Variants in USP46 observed in about 807,000 individuals in gnomAD.
The protein encoded by USP46 is ubiquitin specific peptidase 46, also known as ubiquitin carboxyl-terminal hydrolase 46.
Under a neutral mutation model 44.4 loss-of-function variants are expected in USP46, and 12 were observed. That is an observed-to-expected ratio of 0.27 (90% CI 0.17 to 0.44). The LOEUF is 0.44. USP46 is among the 20% of genes least tolerant of loss of function. USP46 has a pLI of 1.00. For synonymous variants in USP46, 155 were observed against 161.5 expected, an observed-to-expected ratio of 0.96 and a Z score of 0.31; for missense variants, 248 against 444.8, an observed-to-expected ratio of 0.56 and a Z score of 3.98.
At chr4:52,636,138 T>C (rs1330348217) in intron 1 of USP46, among the ~76,000 whole-genome samples, 1 of 152,100 alleles carries the variant, frequency 6.6e-6, no homozygotes, top group Non-Finnish European at 1.5e-5. Flanking sequence ...ATGGGGTCAA[T>C]CACAAGGGTC....
In USP46 at chr4:52,628,877, T is replaced by C. The variant is rs199928620; in HGVS notation, c.118-714A>G. Among the ~76,000 whole-genome samples the C allele has an allele frequency of 2.4e-4, 37 of 152,338 alleles. 2 individuals are homozygous for C. In the East Asian group the frequency reaches 7.1e-3, roughly 29 times the overall value. On this transcript the variant is annotated intron_variant, in intron 2 of 8. Transcript: ENST00000441222. Reference sequence around the variant, plus strand: ...CCCAAGTTCCTAGCCTGCAATCACATTAGGGCCCACCCAGTAACATTTTAT... The same window carrying C: ...CCCAAGTTCCTAGCCTGCAATCACACTAGGGCCCACCCAGTAACATTTTAT...
At chr4:52,636,468 G>A (rs1718119220) in intron 1 of USP46, among the ~76,000 whole-genome samples, 1 of 151,954 alleles carries the variant, frequency 6.6e-6, no homozygotes, top group South Asian at 2.1e-4. Flanking sequence ...AGCACTTTGG[G>A]AGGCCAAGGC....
At chr4:52,633,574 A>C (rs2109643220) in intron 1 of USP46, among the ~76,000 whole-genome samples, 1 of 152,346 alleles carries the variant, frequency 6.6e-6, no homozygotes, top group Admixed American at 6.5e-5. Context: ...CCCCATAACC[A>C]TTCTTCAAGC....
chr4:52,620,811 A>C (rs1043370107), intron 4 of USP46, among the ~76,000 whole-genome samples: 5 of 152,252 alleles, frequency 3.3e-5, no homozygotes, highest in African/African-American at 1.2e-4. Context: ...ACTAGAGTAA[A>C]TGTATTAAAA....
chr4:52,633,210 C>G (rs1473232038), intron 1 of USP46, among the ~76,000 whole-genome samples: 2 of 152,176 alleles, frequency 1.3e-5, no homozygotes, highest in Admixed American at 1.3e-4. Flanking sequence ...CACAGAACTA[C>G]AGTAGAAATG....
chr4:52,652,610 T>G (rs1370379767), intron 1 of USP46, among the ~76,000 whole-genome samples: 3 of 152,088 alleles, frequency 2.0e-5, no homozygotes, highest in Non-Finnish European at 4.4e-5. Flanking sequence ...AAATCACAAT[T>G]TAAACAATAA....
At chr4:52,608,862 G>A (rs1716805089) in intron 5 of USP46, among the ~76,000 whole-genome samples, 1 of 152,128 alleles carries the variant, frequency 6.6e-6, no homozygotes, top group Non-Finnish European at 1.5e-5. Flanking sequence ...AGAAGGTGGT[G>A]GTTTTAGAGC....
chr4:52,649,860 G>A (rs1718688374), intron 1 of USP46, among the ~76,000 whole-genome samples: 1 of 152,104 alleles, frequency 6.6e-6, no homozygotes, highest in South Asian at 2.1e-4. Context: ...ATCAACCTTG[G>A]ATGCTCACAT....
intron 1 of USP46, among the ~76,000 whole-genome samples, chr4:52,636,629 C>T (rs1718126094): frequency 6.7e-6 from 1 of 148,730 alleles, no homozygotes; most frequent in Admixed American, 6.7e-5. Flanking sequence ...TTGCTTGAAC[C>T]CAGGAGGCAG....
intron 6 of USP46, among the ~76,000 whole-genome samples, chr4:52,603,644 G>A (rs1716564124): frequency 6.6e-6 from 1 of 152,068 alleles, no homozygotes; most frequent in South Asian, 2.1e-4. Flanking sequence ...GTGCAGGAAA[G>A]GTGGTGCAAT....
chr4:52,656,058 A>G lies in USP46; in HGVS notation c.36+3057T>C, dbSNP rs1156322205. 2.0e-5 allele frequency among the ~76,000 whole-genome samples: 3 copies of G among 152,322 alleles called. No homozygotes were observed. The East Asian group carries it at 5.8e-4, about 29-fold the overall frequency. ...GGTGGAGGAAACAAATCCACTTTCA[A>G]TGATAGATCTTCGTTTTTTCCTGTT... is the stretch of plus-strand genomic sequence containing the variant. On this transcript the variant is annotated intron_variant, in intron 1 of 8. Coordinates refer to ENST00000441222, the MANE Select transcript of USP46 (RefSeq NM_022832.4).
chr4:52,627,884 G>C (rs1717653572), intron 3 of USP46, 66 bp downstream of exon 3: 2 of 1,476,932 alleles, frequency 1.4e-6, no homozygotes, highest in African/African-American at 1.4e-5. Context: ...TCCTTTTGAG[G>C]AGATACAGAA....
In USP46 at chr4:52,595,492, G is replaced by A. The variant is rs929469701; in HGVS notation, c.*2148C>T. ...TATTTTCTTATACTTACCCTTTTTC[G>A]TTCCAAAAATCTATCCATGAATGCT... On this transcript the variant is annotated 3_prime_UTR_variant, in exon 9 of 9. Transcript: ENST00000441222. 5 of 151,756 alleles carry A rather than the reference G, an allele frequency of 3.3e-5. No homozygotes were observed. The highest frequency in any genetic ancestry group is 7.3e-5 in the African/African-American group (3 of 41,262). The allele number at this position is 151,756 out of a possible 1,614,324, so 9.4% of individuals were successfully genotyped here.
rs1313624655 is a variant in USP46 at position 52,659,011 on chromosome 4, G to C, written c.36+104C>G. 1.4e-6 allele frequency: 2 copies of C among 1,384,046 alleles called. No individual in the cohort carries two copies. Among genetic ancestry groups the C allele is most frequent in the Non-Finnish European group, 9.6e-7 (1 of 1,045,232 alleles). 85.7% of individuals were successfully genotyped at this position (1,384,046 alleles called of 1,614,324 possible). On this transcript the variant is annotated intron_variant, in intron 1 of 8. Coordinates refer to ENST00000441222, the MANE Select transcript of USP46 (RefSeq NM_022832.4). This position sits in a 1 kb window ranked among gnomAD's most constrained non-coding sequence, Gnocchi z 4.2. ...GGGAACTTCTGGCGGCGCGGACCCCGCCGCCCCCGCCGCCCCAGCCACCGG... is the reference window on the plus strand; with the variant it reads ...GGGAACTTCTGGCGGCGCGGACCCCCCCGCCCCCGCCGCCCCAGCCACCGG...
chr4:52,640,443 AGGTCAAGAAG>A (rs1334522922), intron 1 of USP46, among the ~76,000 whole-genome samples: 2 of 152,160 alleles, frequency 1.3e-5, no homozygotes, highest in Non-Finnish European at 2.9e-5. Flanking sequence ...GAAGAAGAGG[AGGTCAAGAAG>A]TGGCTTTTCT....
rs1463013149 is a variant in USP46, at chr4:52,659,231, G to C, written c.-81C>G. 1.4e-6 allele frequency: 2 copies of C among 1,439,364 alleles called. No individual in the cohort carries two copies. Among genetic ancestry groups the C allele is most frequent in the Non-Finnish European group, 1.8e-6 (2 of 1,086,020 alleles). The allele number at this position is 1,439,364 out of a possible 1,614,324, so 89.2% of individuals were successfully genotyped here. A position where few individuals can be genotyped will look rare whatever the true frequency, so the allele number is the denominator to read the frequency against. On this transcript the variant is annotated 5_prime_UTR_variant, in exon 1 of 9. Transcript: ENST00000441222. This position sits in a 1 kb window ranked among gnomAD's most constrained non-coding sequence, Gnocchi z 4.2. Reference sequence around the variant, plus strand: ...CTGCCCATGGTGGCGCGCTGGCGGGGAGGCCGGGCGGCAGCGCGGCGGCCT... The same window carrying C: ...CTGCCCATGGTGGCGCGCTGGCGGGCAGGCCGGGCGGCAGCGCGGCGGCCT...
chr4:52,632,976 G>GA lies in USP46; in HGVS notation c.37-1833dup, dbSNP rs1316287178. Among the ~76,000 whole-genome samples the GA allele has an allele frequency of 4.0e-3, 306 of 76,600 alleles. 3 individuals carry two copies. Among genetic ancestry groups the GA allele is most frequent in the Middle Eastern group, 0.012 (2 of 168 alleles). The allele number at this position is 76,600 out of a possible 152,430, so 50.3% of individuals were successfully genotyped here. On this transcript the variant is annotated intron_variant, in intron 1 of 8. Coordinates refer to ENST00000441222, the MANE Select transcript of USP46 (RefSeq NM_022832.4). The stretch of plus-strand genomic sequence containing the variant: ...AGAAAGAAAGAAAGAAAGAAAGAAA[G>GA]AAAGAAAGAAAAGAAAAGAAAGAAA...
At chr4:52,658,049 AG>A (rs1177048174) in intron 1 of USP46, 3 of 356,194 alleles carry the variant, frequency 8.4e-6, no homozygotes, top group Non-Finnish European at 1.7e-5. Flanking sequence ...ACTAGCTTCA[AG>A]GGAGGTTTTC....
intron 4 of USP46, among the ~76,000 whole-genome samples, chr4:52,622,576 A>C (rs1447129994): frequency 1.3e-5 from 2 of 152,214 alleles, no homozygotes; most frequent in Non-Finnish European, 2.9e-5. Flanking sequence ...AGCAAGACCG[A>C]CACTATCCCT....
Sources: gnomAD v4.1 joint callset for allele counts (sites outside exome capture counted in the v4.1 genomes callset) on GRCh38, gnomAD v4.1.1 for gene constraint, Gnocchi (gnomAD v3.1) non-coding constraint, MANE v1.5 for transcripts, NCBI Gene and HGNC (gene_info 2026-07-23, HGNC 2026-07-21) for gene names.